DACH2: variants seen among roughly 807,000 people sequenced by gnomAD.
The protein encoded by DACH2 is dachshund homolog 2.
Under a neutral mutation model 35.8 loss-of-function variants are expected in DACH2, and 17 were observed. The ratio of observed to expected loss-of-function variants is 0.48; its 90% CI spans 0.33 to 0.71. DACH2 has a LOEUF of 0.71. Ranked by LOEUF, DACH2 falls within the 30% of genes least tolerant of loss-of-function variation. The probability of loss-of-function intolerance (pLI) is 0.02; values close to 1 mark genes in which losing one functional copy is unlikely to be tolerated. For missense variants in DACH2, 469 were observed against 472.7 expected, an observed-to-expected ratio of 0.99 and a Z score of 0.07; for synonymous variants, 195 against 177.3, an observed-to-expected ratio of 1.10 and a Z score of -0.79.
intron 7 of DACH2, among the ~76,000 whole-genome samples, chrX:86,792,298 G>A (rs1025068058): frequency 6.3e-5 from 7 of 111,813 alleles, no homozygotes; most frequent in Non-Finnish European, 1.3e-4. Flanking sequence ...TGTCACAAGC[G>A]TAGAATGTGA....
At chrX:86,462,116 T>C (rs966717784) in intron 2 of DACH2, among the ~76,000 whole-genome samples, 2 of 110,389 alleles carry the variant, frequency 1.8e-5, no homozygotes, top group Non-Finnish European at 3.8e-5. Flanking sequence ...TGTTGGTTTT[T>C]TATTTACTTG....
intron 3 of DACH2, among the ~76,000 whole-genome samples, chrX:86,585,421 C>A (rs1602671717): frequency 9.1e-6 from 1 of 110,468 alleles, no homozygotes; most frequent in South Asian, 3.8e-4. Flanking sequence ...ATTTTAGGTT[C>A]GGGGTACACA....
chrX:86,468,189 T>G (rs1202312959), intron 2 of DACH2, among the ~76,000 whole-genome samples: 5 of 111,883 alleles, frequency 4.5e-5, no homozygotes, highest in African/African-American at 1.6e-4. Flanking sequence ...TGGCTTTGGG[T>G]TAAGTTATCA....
chrX:86,560,558 T>C (rs763649951), intron 3 of DACH2, among the ~76,000 whole-genome samples: 2 of 103,440 alleles, frequency 1.9e-5, no homozygotes, highest in East Asian at 6.3e-4. Flanking sequence ...GAGATATAGA[T>C]CAATGGAACA....
chrX:86,625,756 C>T (rs2040128599), intron 3 of DACH2, among the ~76,000 whole-genome samples: 1 of 110,982 alleles, frequency 9.0e-6, no homozygotes, highest in African/African-American at 3.3e-5. Flanking sequence ...TGTAGGGGAG[C>T]TCCCCTTTGT....
chrX:86,626,903 T>C (rs188239578), intron 3 of DACH2, among the ~76,000 whole-genome samples: 266 of 112,753 alleles, frequency 2.4e-3, no homozygotes, highest in African/African-American at 8.1e-3. Flanking sequence ...TGGGAAGACC[T>C]CTGACATGTC....
intron 3 of DACH2, among the ~76,000 whole-genome samples, chrX:86,611,358 C>T (rs1055301801): frequency 1.2e-4 from 13 of 109,759 alleles, no homozygotes; most frequent in African/African-American, 4.0e-4. Context: ...TTTGGAGCTG[C>T]AAGCTGTGCC....
intron 1 of DACH2, among the ~76,000 whole-genome samples, chrX:86,214,512 G>C (rs758271521): frequency 8.9e-6 from 1 of 112,015 alleles, no homozygotes; most frequent in East Asian, 2.8e-4. Flanking sequence ...GGGTGAGTCA[G>C]AGATCTCTAC....
intron 1 of DACH2, among the ~76,000 whole-genome samples, chrX:86,223,071 C>T (rs1211950608): frequency 8.9e-6 from 1 of 111,769 alleles, no homozygotes; most frequent in Non-Finnish European, 1.9e-5. Context: ...ATACCTACAG[C>T]TTCTGCTTAC....
chrX:86,401,366 G>A (rs1157970700), intron 2 of DACH2, among the ~76,000 whole-genome samples: 5 of 111,656 alleles, frequency 4.5e-5, no homozygotes, highest in Non-Finnish European at 7.5e-5. Context: ...GCTTATGCAC[G>A]GTGCACTGCA....
chrX:86,652,708 C>T lies in DACH2; in HGVS notation c.772+1541C>T, dbSNP rs181756665. 2.4e-4 allele frequency among the ~76,000 whole-genome samples: 27 copies of T among 112,017 alleles called. No homozygotes were observed. In the East Asian group the frequency reaches 7.6e-3, roughly 32 times the overall value. ...TTCTCTAATAATCAATGGTGTTGAG[C>T]TTTTTTCATATGCTTCTTGGTCACA... On this transcript the variant is annotated intron_variant, in intron 4 of 11. Coordinates refer to ENST00000373125, the MANE Select transcript of DACH2 (RefSeq NM_053281.3).
intron 1 of DACH2, among the ~76,000 whole-genome samples, chrX:86,303,175 G>T (rs745718248): frequency 1.9e-5 from 2 of 106,063 alleles, no homozygotes; most frequent in South Asian, 8.7e-4. Flanking sequence ...ACTGCACCAG[G>T]AATCAGGAGA....
chrX:86,307,953 T>A (rs2034722386), intron 1 of DACH2, among the ~76,000 whole-genome samples: 1 of 110,851 alleles, frequency 9.0e-6, no homozygotes, highest in African/African-American at 3.3e-5. Flanking sequence ...GCTCAGGGAG[T>A]TAAAAAAAGG....
intron 4 of DACH2, among the ~76,000 whole-genome samples, chrX:86,652,312 G>A (rs1252391444): frequency 8.9e-6 from 1 of 112,209 alleles, no homozygotes; most frequent in Admixed American, 9.5e-5. Flanking sequence ...ATTCCATGGT[G>A]CACATTTCCC....
At chrX:86,294,589 C>T (rs1186347453) in intron 1 of DACH2, among the ~76,000 whole-genome samples, 1 of 109,547 alleles carries the variant, frequency 9.1e-6, no homozygotes, top group East Asian at 2.9e-4. Flanking sequence ...TGGTGATGTA[C>T]AGATGGGTTT....
intron 3 of DACH2, among the ~76,000 whole-genome samples, chrX:86,634,998 T>G (rs1219060353): frequency 9.0e-6 from 1 of 111,138 alleles, no homozygotes; most frequent in Non-Finnish European, 1.9e-5. Context: ...AAGGAGGGAC[T>G]CCTCCCTAAC....
At chrX:86,727,904 G>A (rs919989398) in intron 6 of DACH2, among the ~76,000 whole-genome samples, 1 of 112,121 alleles carries the variant, frequency 8.9e-6, no homozygotes, top group Non-Finnish European at 1.9e-5. Context: ...CAGAAAACTG[G>A]TACTGAGGGA....
At chrX:86,556,766 A>G (rs1008126987) in intron 3 of DACH2, among the ~76,000 whole-genome samples, 3 of 12,474 alleles carry the variant, frequency 2.4e-4, no homozygotes, top group Admixed American at 1.5e-3. Flanking sequence ...GTATATATAT[A>G]TATATATATA....
At chrX:86,578,641 A>G (rs1415477221) in intron 3 of DACH2, among the ~76,000 whole-genome samples, 1 of 111,712 alleles carries the variant, frequency 9.0e-6, no homozygotes, top group African/African-American at 3.3e-5. Context: ...CACTGTATGG[A>G]CGTACTATAG....
Sources: allele counts gnomAD v4.1 joint callset (sites outside exome capture counted in the v4.1 genomes callset), GRCh38; gene constraint gnomAD v4.1.1; transcripts MANE v1.5; gene names NCBI Gene and HGNC (gene_info 2026-07-23, HGNC 2026-07-21).